GUCA1C: variants seen among roughly 807,000 people sequenced by gnomAD.
The protein encoded by GUCA1C is guanylyl cyclase-activating protein 3.
A neutral mutation model predicts 16.2 loss-of-function variants in GUCA1C; 15 were observed. That is an observed-to-expected ratio of 0.93 (90% CI 0.62 to 1.43). The LOEUF (loss-of-function observed/expected upper bound fraction) is 1.43, where lower values mean the gene tolerates loss of function less well. Ranked by LOEUF, GUCA1C falls within the 40% of genes most tolerant of loss-of-function variation. The pLI, the probability that GUCA1C is intolerant of heterozygous loss-of-function variation, is 0.00. For synonymous variants in GUCA1C, 78 were observed against 85.4 expected, an observed-to-expected ratio of 0.91 and a Z score of 0.48; for missense variants, 275 against 244.8, an observed-to-expected ratio of 1.12 and a Z score of -0.82.
intron 1 of GUCA1C, among the ~76,000 whole-genome samples, chr3:108,936,415 C>G (rs1946728287): frequency 6.6e-6 from 1 of 152,086 alleles, no homozygotes; most frequent in African/African-American, 2.4e-5. Context: ...CTAATTCTAA[C>G]AGCAATTTTG....
rs1235959102 is a variant in GUCA1C, at chr3:108,953,660, G to T, written c.103C>A (p.Gln35Lys). Residue 35 changes from glutamine to lysine, a missense_variant, in exon 1 of 4, where the codon CAA (glutamine) becomes AAA (lysine). Coordinates refer to ENST00000261047, the MANE Select transcript of GUCA1C (RefSeq NM_005459.4). Reference sequence around the variant, plus strand: ...AGTGTCTTAAATTCATGTAGTGTTTGCAGGCCGGATGGATATTCCATCATA... The same window carrying T: ...AGTGTCTTAAATTCATGTAGTGTTTTCAGGCCGGATGGATATTCCATCATA... ...TFMMEYPSGL[Q>K]TLHEFKTLLG... 1 of 1,612,118 alleles carries T rather than the reference G, an allele frequency of 6.2e-7. No homozygotes were observed. Among genetic ancestry groups the T allele is most frequent in the East Asian group, 2.2e-5 (1 of 44,868 alleles).
intron 2 of GUCA1C, among the ~76,000 whole-genome samples, chr3:108,919,782 T>C (rs560463951): frequency 6.6e-6 from 1 of 152,306 alleles, no homozygotes; most frequent in East Asian, 1.9e-4. Flanking sequence ...ATTCTAATGC[T>C]CTTTGAGTCT....
intron 1 of GUCA1C, among the ~76,000 whole-genome samples, chr3:108,930,473 C>A (rs913882220): frequency 7.2e-5 from 11 of 152,154 alleles, no homozygotes; most frequent in African/African-American, 2.4e-4. Flanking sequence ...AAGATTACCA[C>A]AATATTTCAG....
rs905964470 is a variant in GUCA1C at position 108,907,959 on chromosome 3, G to C, written c.*63C>G. 8.3e-7 allele frequency: 1 copy of C among 1,205,480 alleles called. No individual in the cohort carries two copies. The highest frequency in any genetic ancestry group is 1.2e-6 in the Non-Finnish European group (1 of 841,968). 74.7% of individuals were successfully genotyped at this position (1,205,480 alleles called of 1,614,324 possible). ...AAATCAACAGCATGTACATGGGGAA[G>C]ATTCTATTTCTTCTCTACTGAAATG... On this transcript the variant is annotated 3_prime_UTR_variant, in exon 4 of 4. Transcript: ENST00000261047.
intron 3 of GUCA1C, among the ~76,000 whole-genome samples, chr3:108,914,110 A>T (rs6437806): frequency 0.033 from 4,949 of 152,268 alleles, 236 homozygotes; most frequent in African/African-American, 0.11. Flanking sequence ...AAGAGGAAAC[A>T]ATTAGTGTAT....
chr3:108,944,176 A>G (rs1440419537), intron 1 of GUCA1C, among the ~76,000 whole-genome samples: 2 of 151,182 alleles, frequency 1.3e-5, no homozygotes, highest in Non-Finnish European at 3.0e-5. Flanking sequence ...ATATATGGGG[A>G]AAAAAAGGAG....
intron 1 of GUCA1C, among the ~76,000 whole-genome samples, chr3:108,935,801 C>T (rs181839978): frequency 1.3e-5 from 2 of 152,114 alleles, no homozygotes; most frequent in South Asian, 2.1e-4. Context: ...CTTTAGAAGT[C>T]GAAATAAGGA....
At chr3:108,918,089 T>C (rs1946535700) in intron 2 of GUCA1C, among the ~76,000 whole-genome samples, 1 of 152,214 alleles carries the variant, frequency 6.6e-6, no homozygotes, top group Non-Finnish European at 1.5e-5. Flanking sequence ...TTGCCATTTT[T>C]AGACTAGGCA....
intron 1 of GUCA1C, among the ~76,000 whole-genome samples, chr3:108,933,679 A>G (rs1946693556): frequency 6.6e-6 from 1 of 152,244 alleles, no homozygotes; most frequent in African/African-American, 2.4e-5. Context: ...GTTAAAAAAC[A>G]GTAGAGGCTG....
At chr3:108,945,004 G>A (rs1317818216) in intron 1 of GUCA1C, among the ~76,000 whole-genome samples, 1 of 152,200 alleles carries the variant, frequency 6.6e-6, no homozygotes, top group African/African-American at 2.4e-5. Context: ...AGGGCCAGGT[G>A]CTCCTTCATC....
At chr3:108,914,557 T>C (rs1576543953) in intron 3 of GUCA1C, among the ~76,000 whole-genome samples, 1 of 152,324 alleles carries the variant, frequency 6.6e-6, no homozygotes, top group South Asian at 2.1e-4. Context: ...ATTCTTGACC[T>C]GCCCTTTTGA....
chr3:108,932,096 C>T (rs1175996565), intron 1 of GUCA1C, among the ~76,000 whole-genome samples: 2 of 151,506 alleles, frequency 1.3e-5, no homozygotes, highest in East Asian at 1.9e-4. Flanking sequence ...GTGATCCGCC[C>T]ACCTCGGCCT....
At chr3:108,948,831 T>C (rs1946869133) in intron 1 of GUCA1C, among the ~76,000 whole-genome samples, 1 of 150,636 alleles carries the variant, frequency 6.6e-6, no homozygotes, top group South Asian at 2.1e-4. Context: ...GAAACTTGTG[T>C]CTAACAGATC....
At chr3:108,942,983 A>T (rs1361303918) in intron 1 of GUCA1C, among the ~76,000 whole-genome samples, 1 of 152,210 alleles carries the variant, frequency 6.6e-6, no homozygotes, top group East Asian at 1.9e-4. Flanking sequence ...TCATTGCCTA[A>T]GAGATAGGTC....
chr3:108,947,289 G>A (rs530272790), intron 1 of GUCA1C, among the ~76,000 whole-genome samples: 1 of 152,278 alleles, frequency 6.6e-6, no homozygotes, highest in Non-Finnish European at 1.5e-5. Context: ...TTAAGTAGAA[G>A]TGGATCATCA....
chr3:108,911,796 A>G (rs1244626761), intron 3 of GUCA1C, among the ~76,000 whole-genome samples: 1 of 152,022 alleles, frequency 6.6e-6, no homozygotes, highest in African/African-American at 2.4e-5. Flanking sequence ...TTTTTACCCA[A>G]AATATCTGCT....
chr3:108,941,449 C>T (rs1472331267), intron 1 of GUCA1C, among the ~76,000 whole-genome samples: 1 of 152,206 alleles, frequency 6.6e-6, no homozygotes. Flanking sequence ...CATTTTACCT[C>T]CCTCTGTAAA....
intron 3 of GUCA1C, among the ~76,000 whole-genome samples, chr3:108,915,748 A>C (rs1242697739): frequency 2.0e-5 from 3 of 152,112 alleles, no homozygotes; most frequent in Non-Finnish European, 4.4e-5. Context: ...GGAAAACTTG[A>C]GTTTATTTAT....
chr3:108,951,121 C>T (rs1946892382), intron 1 of GUCA1C, among the ~76,000 whole-genome samples: 1 of 151,510 alleles, frequency 6.6e-6, no homozygotes, highest in Admixed American at 6.6e-5. Context: ...AGAGTGGTTA[C>T]GAGGAGTGGG....
Sources: allele counts gnomAD v4.1 joint callset (sites outside exome capture counted in the v4.1 genomes callset), GRCh38; gene constraint gnomAD v4.1.1; transcripts MANE v1.5; gene names NCBI Gene and HGNC (gene_info 2026-07-23, HGNC 2026-07-21).